ROS1: variants seen among roughly 807,000 people sequenced by gnomAD.
The protein encoded by ROS1 is proto-oncogene tyrosine-protein kinase ROS.
A neutral mutation model predicts 273.5 loss-of-function variants in ROS1; 263 were observed. The ratio of observed to expected loss-of-function variants is 0.96; its 90% CI spans 0.87 to 1.06. The LOEUF (loss-of-function observed/expected upper bound fraction) is 1.06, where lower values mean the gene tolerates loss of function less well. Among genes scored for constraint, ROS1 ranks in the 50% least tolerant of loss-of-function variants. The pLI, the probability that ROS1 is intolerant of heterozygous loss-of-function variation, is 0.00. For missense variants in ROS1, 2,833 were observed against 2,751.1 expected, an observed-to-expected ratio of 1.03 and a Z score of -0.67; for synonymous variants, 1,008 against 954.1, an observed-to-expected ratio of 1.06 and a Z score of -1.04.
chr6:117,358,863 A>C (rs1779548333), intron 24 of ROS1, among the ~76,000 whole-genome samples: 1 of 152,112 alleles, frequency 6.6e-6, no homozygotes, highest in Admixed American at 6.5e-5. Flanking sequence ...TTTCTGTGAC[A>C]GCCTCCTAAT....
chr6:117,389,573 T>G lies in ROS1; in HGVS notation c.1563A>C (p.Thr521=). The stretch of plus-strand genomic sequence containing the variant: ...CCTGTTGGAAAATGACCTTGCCATC[T>G]GTGACAAGAAAGTCATTGTTTTCAC... ...FACENNDFLV[T]DGKVIFQQDA... Residue 521 remains threonine, a synonymous_variant, in exon 13 of 44, where the codon ACA becomes ACC. Coordinates refer to ENST00000368507, the MANE Select transcript of ROS1 (RefSeq NM_001378902.1). 1 of 1,614,226 alleles carries G rather than the reference T, an allele frequency of 6.2e-7. No individual in the cohort carries two copies. Among genetic ancestry groups the G allele is most frequent in the Non-Finnish European group, 8.5e-7 (1 of 1,180,030 alleles).
intron 18 of ROS1, among the ~76,000 whole-genome samples, chr6:117,366,875 TA>T (rs1055754137): frequency 6.6e-6 from 1 of 152,176 alleles, no homozygotes; most frequent in South Asian, 2.1e-4. Flanking sequence ...TGCAGCTTTT[TA>T]AAAAATGCTT....
At chr6:117,329,724 C>T (rs887993959) in intron 32 of ROS1, among the ~76,000 whole-genome samples, 1 of 151,512 alleles carries the variant, frequency 6.6e-6, no homozygotes, top group Admixed American at 6.6e-5. Flanking sequence ...GAGCAGTGAG[C>T]CCACCTGAGA....
At chr6:117,343,623 C>A (rs1225257741) in intron 28 of ROS1, among the ~76,000 whole-genome samples, 1 of 152,124 alleles carries the variant, frequency 6.6e-6, no homozygotes, top group Non-Finnish European at 1.5e-5. Flanking sequence ...AAACAAAAGA[C>A]AAAATATAAT....
intron 33 of ROS1, chr6:117,328,881 G>C (rs930719241): frequency 1.6e-6 from 1 of 612,636 alleles, no homozygotes; most frequent in Non-Finnish European, 3.2e-6. Flanking sequence ...CTACACTTCA[G>C]ACCATTTCAG....
intron 5 of ROS1, 107 bp from the exon 6 acceptor site, chr6:117,404,535 A>G: frequency 1.0e-6 from 1 of 956,628 alleles, no homozygotes. Context: ...CTAAAACTGC[A>G]TCTTGCCACA....
chr6:117,368,292 G>A (rs1449297500), intron 18 of ROS1, among the ~76,000 whole-genome samples: 1 of 151,674 alleles, frequency 6.6e-6, no homozygotes, highest in African/African-American at 2.4e-5. Flanking sequence ...TTTTTTTTTA[G>A]TGATTTCTAT....
At position 117,394,290 on chromosome 6, in the gene ROS1, A is replaced by G; in HGVS notation, c.1063T>C (p.Trp355Arg). 1.9e-6 allele frequency: 3 copies of G among 1,609,670 alleles called. No individual in the cohort carries two copies. The highest frequency in any genetic ancestry group is 2.5e-6 in the Non-Finnish European group (3 of 1,178,800). The change falls in exon 11 of 44, where the codon TGG (tryptophan) becomes CGG (arginine). Residue 355 changes from tryptophan to arginine, a missense_variant. Physicochemically the swap from Trp to Arg is moderately radical, Grantham distance 101. Transcript: ENST00000368507. ...IVYFSEGTLI[W>R]AKKAANMSDV... ...GACATGTTGGCAGCCTTCTTCGCCC[A>G]TATGAGAGTTCCTTCAGAGAAATAA...
chr6:117,331,058 T>C (rs1254119537), intron 32 of ROS1, among the ~76,000 whole-genome samples: 1 of 152,200 alleles, frequency 6.6e-6, no homozygotes, highest in Non-Finnish European at 1.5e-5. Flanking sequence ...TAAAGGAGTA[T>C]GTTCTAACCC....
chr6:117,359,748 A>T, intron 24 of ROS1, 61 bp downstream of exon 24: 1 of 1,331,658 alleles, frequency 7.5e-7, no homozygotes, highest in Non-Finnish European at 1.1e-6. Context: ...TTAACTACAA[A>T]GTAGTGTCAT....
At chr6:117,378,372 C>T (rs1043159586) in intron 18 of ROS1, among the ~76,000 whole-genome samples, 6 of 151,982 alleles carry the variant, frequency 3.9e-5, no homozygotes, top group Non-Finnish European at 8.8e-5. Flanking sequence ...GTGAATATAT[C>T]GCAAAAGATT....
intron 2 of ROS1, among the ~76,000 whole-genome samples, chr6:117,416,769 G>A (rs1775368870): frequency 6.6e-6 from 1 of 152,082 alleles, no homozygotes; most frequent in Non-Finnish European, 1.5e-5. Flanking sequence ...ACAGTTTGGG[G>A]AGTCGGCTGC....
chr6:117,414,675 A>G (rs1775200399), intron 3 of ROS1, 130 bp from the exon 4 acceptor site: 4 of 562,232 alleles, frequency 7.1e-6, no homozygotes, highest in Non-Finnish European at 1.2e-5. Flanking sequence ...AAAACAACAG[A>G]AACAAGGGAG....
At chr6:117,358,623 CT>C (rs1779527305) in intron 24 of ROS1, among the ~76,000 whole-genome samples, 2 of 152,076 alleles carry the variant, frequency 1.3e-5, no homozygotes, top group Non-Finnish European at 2.9e-5. Flanking sequence ...CCACGTCCAG[CT>C]AATTTTTATA....
Position 117,288,802 on chromosome 6 carries a change from C to T in ROS1, c.6716G>A (p.Gly2239Asp), listed in dbSNP as rs148710046. Reference sequence around the variant, plus strand: ...CAAACAAATCACATCGCCATCTTCACCTGTGAAAAAAATATGAATGTTATT... The same window carrying T: ...CAAACAAATCACATCGCCATCTTCATCTGTGAAAAAAATATGAATGTTATT... ...NSGVINESFEGEDGDVICLNS... is the reference protein window; with the variant it reads ...NSGVINESFEDEDGDVICLNS... Residue 2239 changes from glycine to aspartate, a missense_variant and splice_region_variant, in exon 44 of 44, where the codon GGT becomes GAT. Physicochemically the swap from Gly to Asp is moderately conservative, Grantham distance 94. Transcript: ENST00000368507. The T allele has an allele frequency of 3.8e-6, 6 of 1,580,054 alleles. No individual in the cohort carries two copies. Among genetic ancestry groups the T allele is most frequent in the Non-Finnish European group, 4.3e-6 (5 of 1,166,118 alleles).
chr6:117,318,097 C>T, intron 38 of ROS1, 91 bp downstream of exon 38: 3 of 884,406 alleles, frequency 3.4e-6, no homozygotes, highest in Non-Finnish European at 5.6e-6. Flanking sequence ...TAGTCATGAT[C>T]CGTTAAGTCA....
At position 117,362,713 on chromosome 6, in the gene ROS1, G is replaced by T. The variant is rs781304519; in HGVS notation, c.3256C>A (p.Gln1086Lys). The T allele has an allele frequency of 6.2e-7, 1 of 1,613,426 alleles. No individual in the cohort carries two copies. The highest frequency in any genetic ancestry group is 8.5e-7 in the Non-Finnish European group (1 of 1,179,570). Residue 1086 changes from glutamine (Q) to lysine (K), a missense_variant, in exon 22 of 44, where the codon CAA becomes AAA. Physicochemically the swap from Gln to Lys is moderately conservative, Grantham distance 53. Coordinates refer to ENST00000368507, the MANE Select transcript of ROS1 (RefSeq NM_001378902.1). ...KFEIFYNISN[Q>K]SITNKTCEDW... is the part of the protein sequence containing the mutation. ...TCACATGTTTTGTTTGTAATACTTT[G>T]ATTGGATATATTGTAGAAAATTTCA...
chr6:117,354,951 G>A (rs1779182320), intron 26 of ROS1, among the ~76,000 whole-genome samples: 1 of 152,192 alleles, frequency 6.6e-6, no homozygotes, highest in South Asian at 2.1e-4. Context: ...CAGCATCCAG[G>A]ATAGAGCAAT....
In ROS1 at chr6:117,365,730, A is replaced by G. The variant is rs115534545; in HGVS notation, c.2809T>C (p.Phe937Leu). ...SLKPLPGNFSFTPKVIPDSVQ... is the reference protein window; with the variant it reads ...SLKPLPGNFSLTPKVIPDSVQ... ...GAATCTGGAATAACCTTAGGGGTAA[A>G]GGAAAAGTTCCCTACAGGATGAAAC... Residue 937 changes from phenylalanine to leucine, a missense_variant, in exon 20 of 44, where the codon TTT (phenylalanine) becomes CTT (leucine). Coordinates refer to ENST00000368507, the MANE Select transcript of ROS1 (RefSeq NM_001378902.1). The G allele has an allele frequency of 5.8e-4, 919 of 1,575,086 alleles. 6 individuals carry two copies. In the African/African-American group the frequency reaches 0.01, roughly 18 times the overall value.
Sources: allele counts gnomAD v4.1 joint callset (sites outside exome capture counted in the v4.1 genomes callset), GRCh38; gene constraint gnomAD v4.1.1; transcripts MANE v1.5; gene names NCBI Gene and HGNC (gene_info 2026-07-23, HGNC 2026-07-21).